The following FGF12 variants were observed in gnomAD, a reference collection of about 807,000 sequenced individuals.
FGF12 encodes fibroblast growth factor 12B.
FGF12 carries 14 observed loss-of-function variants against 23.6 expected under a neutral mutation model. The ratio of observed to expected loss-of-function variants is 0.59; its 90% CI spans 0.39 to 0.93. The LOEUF is 0.93. FGF12 is among the 40% of genes least tolerant of loss of function. FGF12 has a pLI of 0.00. For missense variants in FGF12, 175 were observed against 217.8 expected (o/e 0.80, Z 1.24); for synonymous variants, 62 against 77.3 (o/e 0.80, Z 1.04).
At chr3:192,203,566 CTTTTTT>C (rs3071810) in intron 4 of FGF12, among the ~76,000 whole-genome samples, 1 of 130,420 alleles carries the variant, frequency 7.7e-6, no homozygotes, top group Non-Finnish European at 1.6e-5. Flanking sequence ...TTTTTCTTTA[CTTTTTT>C]TTTTTTTTTT....
At chr3:192,648,815 TC>T (rs1716106157) in intron 2 of FGF12, among the ~76,000 whole-genome samples, 1 of 152,220 alleles carries the variant, frequency 6.6e-6, no homozygotes, top group South Asian at 2.1e-4. Flanking sequence ...GGTAAGGCTT[TC>T]CATTGAGTAA....
At chr3:192,292,955 A>G (rs902492711) in intron 4 of FGF12, among the ~76,000 whole-genome samples, 4 of 151,678 alleles carry the variant, frequency 2.6e-5, no homozygotes, top group African/African-American at 9.7e-5. Flanking sequence ...GGCTTTTTTT[A>G]TTTTTTTAAG....
intron 2 of FGF12, among the ~76,000 whole-genome samples, chr3:192,566,301 T>C (rs372664250): frequency 6.6e-6 from 1 of 152,322 alleles, no homozygotes; most frequent in South Asian, 2.1e-4. Flanking sequence ...ACTCTTTCTA[T>C]AGTGCTTCAT....
rs1034783251 is a variant in FGF12, at chr3:192,324,533, T to C, written c.228+10828A>G. 7.2e-5 allele frequency among the ~76,000 whole-genome samples: 11 copies of C among 152,210 alleles called. No individual in the cohort carries two copies. The East Asian group carries it at 1.9e-3, about 27-fold the overall frequency. ...ATCTTTCCATTTAATCCTTACACAATTCTATACAGCTCCATATCCTCATTA... is the reference window on the plus strand; with the variant it reads ...ATCTTTCCATTTAATCCTTACACAACTCTATACAGCTCCATATCCTCATTA... On this transcript the variant is annotated intron_variant, in intron 4 of 5. Transcript: ENST00000445105.
chr3:192,379,235 T>C (rs1719708740), intron 2 of FGF12, among the ~76,000 whole-genome samples: 1 of 152,212 alleles, frequency 6.6e-6, no homozygotes, highest in South Asian at 2.1e-4. Flanking sequence ...AATTCATACC[T>C]ACATTTCCCA....
intron 4 of FGF12, among the ~76,000 whole-genome samples, chr3:192,206,838 G>A (rs1240254363): frequency 1.3e-5 from 2 of 151,848 alleles, no homozygotes; most frequent in African/African-American, 4.8e-5. Context: ...CTAAAGCACT[G>A]CCCTGACTCT....
At chr3:192,300,230 C>T (rs916221245) in intron 4 of FGF12, among the ~76,000 whole-genome samples, 1 of 152,228 alleles carries the variant, frequency 6.6e-6, no homozygotes, top group African/African-American at 2.4e-5. Flanking sequence ...CCTCCCAGAG[C>T]TAGCCACCAG....
At chr3:192,579,159 A>G (rs1713032589) in intron 2 of FGF12, among the ~76,000 whole-genome samples, 1 of 152,142 alleles carries the variant, frequency 6.6e-6, no homozygotes, top group Non-Finnish European at 1.5e-5. Context: ...TGTTATTTCC[A>G]TCTATGATGT....
At chr3:192,378,026 T>TTTTCTTTTCTTTCTTTCTTTCTTTC (rs1719607315) in intron 2 of FGF12, among the ~76,000 whole-genome samples, 3 of 69,442 alleles carry the variant, frequency 4.3e-5, no homozygotes, top group Non-Finnish European at 2.7e-5. Context: ...TGACTCTTTC[T>TTTTCTTTTCTTTCTTTCTTTCTTTC]TTTCTTTCTT....
At chr3:192,296,966 G>A (rs1016132282) in intron 4 of FGF12, among the ~76,000 whole-genome samples, 1 of 152,200 alleles carries the variant, frequency 6.6e-6, no homozygotes, top group Non-Finnish European at 1.5e-5. Context: ...AATCCAGGTA[G>A]TCAGCAAAGT....
rs1376334318 is a variant in FGF12 at position 192,336,442 on chromosome 3, T to C, written c.125-978A>G. Among the ~76,000 whole-genome samples, 2 of 152,116 alleles carry C rather than the reference T, an allele frequency of 1.3e-5. No homozygotes were observed. Among genetic ancestry groups the C allele is most frequent in the Non-Finnish European group, 2.9e-5 (2 of 68,010 alleles). On this transcript the variant is annotated intron_variant, in intron 3 of 5. Transcript: ENST00000445105. This position sits in a 1 kb window ranked among gnomAD's most constrained non-coding sequence, Gnocchi z 4.3. ...GTCCTTGGGATTATTTCAGTTACTT[T>C]TGAGATCACGAAATGAGCATAAACA...
At chr3:192,174,437 A>G (rs1366742228) in intron 4 of FGF12, among the ~76,000 whole-genome samples, 1 of 152,236 alleles carries the variant, frequency 6.6e-6, no homozygotes, top group Non-Finnish European at 1.5e-5. Context: ...CAACAGGGCT[A>G]TGCAGAGTCA....
At chr3:192,154,664 T>G (rs370881983) in intron 5 of FGF12, among the ~76,000 whole-genome samples, 5,105 of 142,854 alleles carry the variant, frequency 0.036, 180 homozygotes, top group South Asian at 0.049. Flanking sequence ...GGAGGTAGTC[T>G]GCCCGTTCTC....
chr3:192,674,261 C>G (rs1385977109), intron 2 of FGF12, among the ~76,000 whole-genome samples: 1 of 152,202 alleles, frequency 6.6e-6, no homozygotes, highest in Non-Finnish European at 1.5e-5. Context: ...ATGCCAAAGT[C>G]TGGCCACTGT....
chr3:192,366,999 T>C (rs933689234), intron 2 of FGF12, among the ~76,000 whole-genome samples: 3 of 151,996 alleles, frequency 2.0e-5, no homozygotes, highest in African/African-American at 7.3e-5. Flanking sequence ...GAGTTTTCTA[T>C]CACTGGACAT....
chr3:192,601,557 C>T (rs28834495), intron 2 of FGF12, among the ~76,000 whole-genome samples: 2 of 151,812 alleles, frequency 1.3e-5, no homozygotes, highest in African/African-American at 4.8e-5. Flanking sequence ...CAGATATGTA[C>T]AATTATTATA....
chr3:192,246,669 C>CA (rs1332303766), intron 4 of FGF12, among the ~76,000 whole-genome samples: 1 of 151,458 alleles, frequency 6.6e-6, no homozygotes, highest in African/African-American at 2.4e-5. Context: ...ACTGAAAACA[C>CA]AAAAAATTAG....
Position 192,326,689 on chromosome 3 carries a change from C to A in FGF12, c.228+8672G>T, listed in dbSNP as rs76956359. 4.2e-3 allele frequency among the ~76,000 whole-genome samples: 634 copies of A among 152,298 alleles called. 15 individuals are homozygous for A. The highest frequency in any genetic ancestry group is 0.039 in the South Asian group (186 of 4,818). ...AAGCCATCACAAACAAGGTGATAGG[C>A]TGCCCCGGTTTTCAAAGAATTATGC... On this transcript the variant is annotated intron_variant, in intron 4 of 5. Coordinates refer to ENST00000445105, the MANE Select transcript of FGF12 (RefSeq NM_004113.6).
intron 4 of FGF12, among the ~76,000 whole-genome samples, chr3:192,171,824 C>T (rs1000743020): frequency 6.6e-6 from 1 of 151,738 alleles, no homozygotes; most frequent in Non-Finnish European, 1.5e-5. Context: ...TGGTTGAAGC[C>T]ATGTCCTTGT....
Sources: gnomAD v4.1 joint callset for allele counts (sites outside exome capture counted in the v4.1 genomes callset) on GRCh38, gnomAD v4.1.1 for gene constraint, Gnocchi (gnomAD v3.1) non-coding constraint, MANE v1.5 for transcripts, NCBI Gene and HGNC (gene_info 2026-07-23, HGNC 2026-07-21) for gene names.